The following MYO3B variants were observed in gnomAD, a reference collection of about 807,000 sequenced individuals.
MYO3B encodes the protein myosin-IIIb.
MYO3B carries 156 observed loss-of-function variants against 174.6 expected under a neutral mutation model. The observed-to-expected ratio is 0.89, with a 90% CI of 0.78 to 1.02. The LOEUF is 1.02. Among genes scored for constraint, MYO3B ranks in the 50% least tolerant of loss-of-function variants. The probability of loss-of-function intolerance (pLI) is 0.00; values close to 1 mark genes in which losing one functional copy is unlikely to be tolerated. For missense variants in MYO3B, 1,632 were observed against 1,639.4 expected (o/e 1.00, Z 0.08); for synonymous variants, 563 against 569.1 (o/e 0.99, Z 0.15).
intron 32 of MYO3B, among the ~76,000 whole-genome samples, chr2:170,568,746 G>A (rs752443088): frequency 2.6e-5 from 4 of 152,174 alleles, no homozygotes; most frequent in South Asian, 2.1e-4. Context: ...AAAGGAGACC[G>A]TGAAAATTGC....
intron 7 of MYO3B, among the ~76,000 whole-genome samples, chr2:170,261,495 T>A (rs1463497379): frequency 6.6e-6 from 1 of 152,152 alleles, no homozygotes; most frequent in African/African-American, 2.4e-5. Flanking sequence ...GAGGCTGCAG[T>A]GAGCTATGAT....
chr2:170,457,281 C>A (rs533876547), intron 23 of MYO3B, among the ~76,000 whole-genome samples: 4 of 152,024 alleles, frequency 2.6e-5, no homozygotes, highest in African/African-American at 9.7e-5. Flanking sequence ...AATAAATTAA[C>A]CTTAGTTTAC....
intron 32 of MYO3B, among the ~76,000 whole-genome samples, chr2:170,649,467 T>C (rs1239645358): frequency 9.8e-6 from 1 of 101,942 alleles, no homozygotes; most frequent in African/African-American, 4.4e-5. Context: ...ATAATACATA[T>C]TTTTTTCATC....
At chr2:170,426,330 C>T (rs1329348356) in intron 22 of MYO3B, among the ~76,000 whole-genome samples, 3 of 150,692 alleles carry the variant, frequency 2.0e-5, no homozygotes, top group Non-Finnish European at 4.4e-5. Context: ...CAGAGCAAGA[C>T]CTCATCGCTT....
chr2:170,397,346 C>T lies in MYO3B; in HGVS notation c.1792-2842C>T, dbSNP rs189138352. ...TGTAATCTGTGAGGCAATGCTTTAT[C>T]AATGGTCCAGTGACCGTTCCTATTC... is the stretch of plus-strand genomic sequence containing the variant. On this transcript the variant is annotated intron_variant, in intron 16 of 34. Transcript: ENST00000408978. Among the ~76,000 whole-genome samples the T allele has an allele frequency of 9.9e-4, 151 of 152,266 alleles. 2 individuals are homozygous for T. The highest frequency in any genetic ancestry group is 8.1e-3 in the East Asian group (42 of 5,182).
chr2:170,230,171 T>G (rs372988159), intron 6 of MYO3B, among the ~76,000 whole-genome samples: 8 of 150,736 alleles, frequency 5.3e-5, no homozygotes, highest in Middle Eastern at 3.2e-3. Context: ...AGTTTTTTTT[T>G]TTGTTTTTTT....
chr2:170,286,419 T>C (rs2093556701), intron 7 of MYO3B, among the ~76,000 whole-genome samples: 1 of 152,198 alleles, frequency 6.6e-6, no homozygotes, highest in African/African-American at 2.4e-5. Flanking sequence ...GGTTTCCATC[T>C]GTACCTGTAC....
intron 8 of MYO3B, chr2:170,349,394 C>G (rs1205921211): frequency 6.6e-6 from 1 of 152,190 alleles, no homozygotes; most frequent in Admixed American, 6.5e-5. Context: ...ATCTTTACTG[C>G]TTCATATCCC....
chr2:170,306,634 G>A (rs1181581424), intron 7 of MYO3B, among the ~76,000 whole-genome samples: 1 of 151,942 alleles, frequency 6.6e-6, no homozygotes, highest in Non-Finnish European at 1.5e-5. Flanking sequence ...GAGCTCAGTT[G>A]TCTGGAGCAC....
At chr2:170,213,872 T>C (rs1048672049) in intron 3 of MYO3B, among the ~76,000 whole-genome samples, 1 of 152,170 alleles carries the variant, frequency 6.6e-6, no homozygotes, top group Non-Finnish European at 1.5e-5. Context: ...GAACTGCTGG[T>C]TGGGCTTCTG....
chr2:170,449,398 CAGGT>C (rs1683451600), intron 23 of MYO3B, among the ~76,000 whole-genome samples: 1 of 152,152 alleles, frequency 6.6e-6, no homozygotes, highest in South Asian at 2.1e-4. Flanking sequence ...CTGGAGGAAT[CAGGT>C]AGAGAGAAAG....
rs1698731426 is a variant in MYO3B, at chr2:170,649,207, TA to T, written c.3734-2419del. Among the ~76,000 whole-genome samples, 4 of 58,732 alleles carry T rather than the reference TA, an allele frequency of 6.8e-5. 1 individual carries two copies. The highest frequency in any genetic ancestry group is 2.8e-4 in the African/African-American group (3 of 10,660). 38.5% of individuals were successfully genotyped at this position (58,732 alleles called of 152,430 possible). A position where few individuals can be genotyped will look rare whatever the true frequency, so the allele number is the denominator to read the frequency against. ...AAAATAATATATATTATATATAAAA[TA>T]ATATATAATATATTATATATAAAAT... On this transcript the variant is annotated intron_variant, in intron 32 of 34. Transcript: ENST00000408978.
At chr2:170,216,454 A>T (rs997828963) in intron 5 of MYO3B, among the ~76,000 whole-genome samples, 21 of 152,212 alleles carry the variant, frequency 1.4e-4, no homozygotes, top group Non-Finnish European at 2.9e-5. Context: ...AGGTGAAGCA[A>T]TCACATAATT....
chr2:170,404,712 T>C (rs2105806224), intron 20 of MYO3B, among the ~76,000 whole-genome samples: 1 of 152,276 alleles, frequency 6.6e-6, no homozygotes, highest in East Asian at 1.9e-4. Flanking sequence ...TCTCCTCCTT[T>C]GTGTGCCCCC....
intron 32 of MYO3B, among the ~76,000 whole-genome samples, chr2:170,620,013 G>C (rs1348867860): frequency 6.6e-6 from 1 of 151,830 alleles, no homozygotes; most frequent in African/African-American, 2.4e-5. Flanking sequence ...CCCAAAGAGA[G>C]GTAATTAAAC....
chr2:170,368,745 GT>G (rs995836313), intron 8 of MYO3B, among the ~76,000 whole-genome samples: 1 of 152,058 alleles, frequency 6.6e-6, no homozygotes, highest in African/African-American at 2.4e-5. Context: ...TTTATGATTA[GT>G]TTTTTTCCTT....
chr2:170,477,187 G>T (rs1685369131), intron 25 of MYO3B, among the ~76,000 whole-genome samples: 1 of 152,140 alleles, frequency 6.6e-6, no homozygotes, highest in South Asian at 2.1e-4. Flanking sequence ...CCAGCCCCAT[G>T]TGTGATGGTC....
intron 5 of MYO3B, among the ~76,000 whole-genome samples, chr2:170,215,449 G>T (rs190702584): frequency 0.013 from 1,957 of 149,452 alleles, 19 homozygotes; most frequent in Non-Finnish European, 0.018. Context: ...AAACCATTTG[G>T]TTTTTTTTTT....
At chr2:170,205,368 C>T (rs1418405102) in intron 3 of MYO3B, among the ~76,000 whole-genome samples, 2 of 152,096 alleles carry the variant, frequency 1.3e-5, no homozygotes, top group African/African-American at 4.8e-5. Context: ...TCCAGGGTTG[C>T]ATTTTCTGGG....
Sources: gnomAD v4.1 joint callset for allele counts (sites outside exome capture counted in the v4.1 genomes callset) on GRCh38, gnomAD v4.1.1 for gene constraint, MANE v1.5 for transcripts, NCBI Gene and HGNC (gene_info 2026-07-23, HGNC 2026-07-21) for gene names.